Variants in GALNT6 observed in about 807,000 individuals in gnomAD.
GALNT6 encodes the protein GalNAc transferase 6.
In GALNT6, 51 loss-of-function variants were observed where a neutral mutation model predicts 65.9. The ratio of observed to expected loss-of-function variants is 0.77; its 90% CI spans 0.62 to 0.98. GALNT6 has a LOEUF of 0.98. Among genes scored for constraint, GALNT6 ranks in the 50% least tolerant of loss-of-function variants. GALNT6 has a pLI of 0.00. For synonymous variants in GALNT6, 323 were observed against 315.1 expected (o/e 1.02, Z -0.26); for missense variants, 708 against 803.3 (o/e 0.88, Z 1.43).
In GALNT6 at chr12:51,359,346, A is replaced by C. The variant is rs1195700634; in HGVS notation, c.1168-14T>G. ...ACACTGCCACACCTGATGTAAGAGG[A>C]GACAGGATGAGGCCTTCAGTGGGCT... On this transcript the variant is annotated splice_polypyrimidine_tract_variant and intron_variant, in intron 7 of 11. Coordinates refer to ENST00000356317, the MANE Select transcript of GALNT6 (RefSeq NM_007210.4). 6.3e-7 allele frequency: 1 copy of C among 1,585,274 alleles called. No homozygotes were observed. Among genetic ancestry groups the C allele is most frequent in the African/African-American group, 1.3e-5 (1 of 74,420 alleles).
rs541747249 is a variant in GALNT6, at chr12:51,390,324, G to T, written c.-104+526C>A. Among the ~76,000 whole-genome samples, 16 of 151,956 alleles carry T rather than the reference G, an allele frequency of 1.1e-4. No homozygotes were observed. In the East Asian group the frequency reaches 3.1e-3, roughly 29 times the overall value. The stretch of plus-strand genomic sequence containing the variant: ...ATTACAGGCGCCTGCCACCATGCCC[G>T]GCTAACTTTTTGTATTTTTTGTGGA... On this transcript the variant is annotated intron_variant, in intron 2 of 11. Coordinates refer to ENST00000356317, the MANE Select transcript of GALNT6 (RefSeq NM_007210.4).
Position 51,359,180 on chromosome 12 carries a change from C to A in GALNT6, c.1320G>T (p.Lys440Asn). The stretch of plus-strand genomic sequence containing the variant: ...GCAGATTTCTCCTATAGAAAATCTT[C>A]TTGTAGCTGTCCATCCAGACCTCTG... Reference protein sequence around the residue: ...RLAEVWMDSYKKIFYRRNLQA... With the variant: ...RLAEVWMDSYNKIFYRRNLQA... Residue 440 changes from lysine to asparagine, a missense_variant, in exon 8 of 12, where the codon AAG becomes AAT. Transcript: ENST00000356317. 6.2e-7 allele frequency: 1 copy of A among 1,614,180 alleles called. No homozygotes were observed.
intron 10 of GALNT6, 59 bp downstream of exon 10, chr12:51,357,290 G>C: frequency 1.8e-6 from 2 of 1,096,440 alleles, no homozygotes; most frequent in Admixed American, 1.7e-5. Context: ...GACTCTTTAG[G>C]GTAGAGAAAA....
At chr12:51,379,170 T>C (rs993176952) in intron 3 of GALNT6, 121 bp downstream of exon 3, 2 of 986,382 alleles carry the variant, frequency 2.0e-6, no homozygotes, top group Admixed American at 3.0e-5. Context: ...AGGAGATCCT[T>C]GCCCATATTA....
intron 4 of GALNT6, among the ~76,000 whole-genome samples, chr12:51,374,947 T>A (rs574826733): frequency 6.6e-6 from 1 of 152,320 alleles, no homozygotes; most frequent in African/African-American, 2.4e-5. Flanking sequence ...ATGACATGAA[T>A]GTCAATTCAA....
intron 9 of GALNT6, 65 bp downstream of exon 9, chr12:51,358,065 G>C: frequency 6.8e-7 from 1 of 1,464,178 alleles, no homozygotes; most frequent in South Asian, 1.2e-5. Flanking sequence ...TGTGGGGTCA[G>C]TGGTCTTGAA....
chr12:51,364,264 G>A lies in GALNT6; in HGVS notation c.906C>T (p.Asp302=). The A allele has an allele frequency of 6.2e-7, 1 of 1,614,122 alleles. No homozygotes were observed. Among genetic ancestry groups the A allele is most frequent in the Non-Finnish European group, 8.5e-7 (1 of 1,179,972 alleles). The part of the protein sequence containing the change: ...VVVSPDIVTI[D]LNTFEFAKPV... ...GCTTGGCGAACTCAAAAGTATTAAG[G>A]TCGATGGTGACGATGTCTGGGCTCA... Residue 302 remains aspartate (D), a synonymous_variant, in exon 6 of 12, where the codon GAC becomes GAT. Transcript: ENST00000356317.
At chr12:51,381,649 G>A (rs1216186705) in intron 2 of GALNT6, among the ~76,000 whole-genome samples, 7 of 152,168 alleles carry the variant, frequency 4.6e-5, no homozygotes, top group African/African-American at 1.7e-4. Flanking sequence ...TGTGACCCTT[G>A]GGTAATTTAC....
chr12:51,359,538 A>C (rs1250940051), intron 7 of GALNT6: 2 of 468,318 alleles, frequency 4.3e-6, no homozygotes, highest in African/African-American at 2.0e-5. Context: ...ATGTTGGTTC[A>C]CTCTGACTTA....
At chr12:51,366,616 T>C (rs1290985441) in intron 4 of GALNT6, among the ~76,000 whole-genome samples, 2 of 152,030 alleles carry the variant, frequency 1.3e-5, no homozygotes, top group Non-Finnish European at 2.9e-5. Context: ...GAAGCAAGGC[T>C]GACCAGGAAA....
chr12:51,384,648 C>T (rs1350549473), intron 2 of GALNT6, among the ~76,000 whole-genome samples: 4 of 145,040 alleles, frequency 2.8e-5, no homozygotes, highest in Non-Finnish European at 6.0e-5. Flanking sequence ...GCAGAAATAG[C>T]ACCACCGTAC....
chr12:51,384,654 C>T (rs778879689), intron 2 of GALNT6, among the ~76,000 whole-genome samples: 9 of 143,566 alleles, frequency 6.3e-5, no homozygotes, highest in Non-Finnish European at 1.0e-4. Context: ...ATAGCACCAC[C>T]GTACTCCAGC....
At chr12:51,360,877 AGAG>A (rs1268378975) in intron 6 of GALNT6, 39 bp from the exon 7 acceptor site, 1 of 1,402,160 alleles carries the variant, frequency 7.1e-7, no homozygotes, top group Non-Finnish European at 1.0e-6. Context: ...ATCTTCTGGG[AGAG>A]GAGGAGCGGA....
At chr12:51,367,525 C>T (rs1947148992) in intron 4 of GALNT6, among the ~76,000 whole-genome samples, 1 of 152,200 alleles carries the variant, frequency 6.6e-6, no homozygotes, top group Admixed American at 6.5e-5. Context: ...TTACTAACTG[C>T]CATTTTGGTT....
chr12:51,361,103 T>C (rs985130669), intron 6 of GALNT6, among the ~76,000 whole-genome samples: 2 of 152,196 alleles, frequency 1.3e-5, no homozygotes, highest in African/African-American at 4.8e-5. Flanking sequence ...CACGTAACAC[T>C]GGCCACCAGG....
chr12:51,356,761 T>C (rs1446667711), intron 10 of GALNT6, among the ~76,000 whole-genome samples: 4 of 144,348 alleles, frequency 2.8e-5, no homozygotes, highest in Non-Finnish European at 6.3e-5. Flanking sequence ...TTTTTGCTAA[T>C]ACATTACTAT....
chr12:51,390,609 A>C (rs1592372497), intron 2 of GALNT6, among the ~76,000 whole-genome samples: 1 of 152,234 alleles, frequency 6.6e-6, no homozygotes. Flanking sequence ...TGTGTGGTGC[A>C]CACACATCTC....
intron 6 of GALNT6, among the ~76,000 whole-genome samples, chr12:51,363,858 A>G (rs1947003524): frequency 6.6e-6 from 1 of 152,236 alleles, no homozygotes; most frequent in South Asian, 2.1e-4. Flanking sequence ...GGTGAATAAG[A>G]GCAGTGCCAC....
Position 51,352,802 on chromosome 12 carries a change from G to C in GALNT6, c.*1577C>G, listed in dbSNP as rs1449738697. On this transcript the variant is annotated 3_prime_UTR_variant, in exon 12 of 12. Transcript: ENST00000356317. ...TTCTCCTGCCTCAGCCTCTTGAGTAGCTGGGATTACAGGTGTGCGCCACCA... is the reference window on the plus strand; with the variant it reads ...TTCTCCTGCCTCAGCCTCTTGAGTACCTGGGATTACAGGTGTGCGCCACCA... 1 of 152,248 alleles carries C rather than the reference G, an allele frequency of 6.6e-6. No individual in the cohort carries two copies. The highest frequency in any genetic ancestry group is 1.5e-5 in the Non-Finnish European group (1 of 68,090). The allele number at this position is 152,248 out of a possible 1,614,324, so 9.4% of individuals were successfully genotyped here. A position where few individuals can be genotyped will look rare whatever the true frequency, so the allele number is the denominator to read the frequency against.
Sources: gnomAD v4.1 joint callset for allele counts (sites outside exome capture counted in the v4.1 genomes callset) on GRCh38, gnomAD v4.1.1 for gene constraint, MANE v1.5 for transcripts, NCBI Gene and HGNC (gene_info 2026-07-23, HGNC 2026-07-21) for gene names.